The following SLC2A13 variants were observed in gnomAD, a reference collection of about 807,000 sequenced individuals.
The protein encoded by SLC2A13 is solute carrier family 2 member 13.
SLC2A13 carries 32 observed loss-of-function variants against 64.4 expected under a neutral mutation model. The ratio of observed to expected loss-of-function variants is 0.50; its 90% confidence interval spans 0.37 to 0.67. The LOEUF is 0.67. Among genes scored for constraint, SLC2A13 ranks in the 30% least tolerant of loss-of-function variants. SLC2A13 has a pLI of 0.00. For synonymous variants in SLC2A13, 338 were observed against 327.1 expected (o/e 1.03, Z -0.36); for missense variants, 743 against 829.2 (o/e 0.90, Z 1.28).
At chr12:39,879,223 A>G (rs1944277613) in intron 4 of SLC2A13, among the ~76,000 whole-genome samples, 1 of 152,260 alleles carries the variant, frequency 6.6e-6, no homozygotes, top group African/African-American at 2.4e-5. Flanking sequence ...GAGCCCTCAC[A>G]GAGAACCCCT....
At chr12:40,098,725 T>A (rs1030440195) in intron 1 of SLC2A13, among the ~76,000 whole-genome samples, 1 of 152,230 alleles carries the variant, frequency 6.6e-6, no homozygotes, top group African/African-American at 2.4e-5. Context: ...TGCCTAAATA[T>A]CCTTATCTTA....
intron 4 of SLC2A13, among the ~76,000 whole-genome samples, chr12:39,896,750 CTATTA>C (rs1425666467): frequency 6.6e-5 from 10 of 151,944 alleles, no homozygotes; most frequent in East Asian, 1.9e-4. Context: ...CTTGCAGTTT[CTATTA>C]TATTTTTCAC....
chr12:40,081,637 T>C (rs2136284501), intron 1 of SLC2A13, among the ~76,000 whole-genome samples: 1 of 152,342 alleles, frequency 6.6e-6, no homozygotes, highest in East Asian at 1.9e-4. Flanking sequence ...CTCCTAAATC[T>C]GGACGACCTT....
chr12:40,042,690 T>C (rs2136231695), intron 2 of SLC2A13, among the ~76,000 whole-genome samples: 1 of 152,270 alleles, frequency 6.6e-6, no homozygotes, highest in East Asian at 1.9e-4. Context: ...ATATTTACTA[T>C]GTTCTGCGCC....
chr12:39,849,386 C>A (rs1487866278), intron 6 of SLC2A13, among the ~76,000 whole-genome samples: 2 of 152,034 alleles, frequency 1.3e-5, no homozygotes, highest in Non-Finnish European at 2.9e-5. Context: ...TGCTTCATCC[C>A]ATTAATCTCA....
chr12:39,941,568 C>A (rs4768199), intron 4 of SLC2A13, among the ~76,000 whole-genome samples: 120,680 of 152,138 alleles, frequency 0.79, 48,044 homozygotes, highest in Non-Finnish European at 0.83. Context: ...TTCTATATAT[C>A]CTGTTGAGAA....
At chr12:39,842,353 T>C (rs1218812591) in intron 6 of SLC2A13, among the ~76,000 whole-genome samples, 1 of 148,690 alleles carries the variant, frequency 6.7e-6, no homozygotes, top group Non-Finnish European at 1.5e-5. Flanking sequence ...CTAAGAGACT[T>C]GCTCATGTCT....
At position 39,755,719 on chromosome 12, in the gene SLC2A13, AAT is replaced by A. The variant is rs1281626187; in HGVS notation, c.*4305_*4306del. The A allele has an allele frequency of 6.6e-6, 1 of 152,114 alleles. No homozygotes were observed. Among genetic ancestry groups the A allele is most frequent in the Non-Finnish European group, 1.5e-5 (1 of 67,888 alleles). 9.4% of individuals were successfully genotyped at this position (152,114 alleles called of 1,614,324 possible). A position where few individuals can be genotyped will look rare whatever the true frequency, so the allele number is the denominator to read the frequency against. On this transcript the variant is annotated 3_prime_UTR_variant, in exon 10 of 10. Transcript: ENST00000280871. ...CATGAACTTAACTGTCTAAAATAAA[AAT>A]GTGAATATTACTGCTAAATGAAGGC...
chr12:39,851,996 T>G (rs1167217982), intron 6 of SLC2A13, among the ~76,000 whole-genome samples: 1 of 152,180 alleles, frequency 6.6e-6, no homozygotes, highest in African/African-American at 2.4e-5. Context: ...CACAGAACAA[T>G]GCAATGTTGG....
At chr12:39,831,136 G>A (rs1307122501) in intron 6 of SLC2A13, among the ~76,000 whole-genome samples, 7 of 152,154 alleles carry the variant, frequency 4.6e-5, no homozygotes, top group Non-Finnish European at 1.0e-4. Context: ...AGATGAATAA[G>A]CCCAAATCTC....
chr12:39,815,416 G>T (rs79677405), intron 7 of SLC2A13, among the ~76,000 whole-genome samples: 3 of 152,090 alleles, frequency 2.0e-5, no homozygotes, highest in African/African-American at 7.2e-5. Context: ...AGAATAAATC[G>T]AACAGGTTCT....
chr12:39,963,832 T>C (rs572975891), intron 3 of SLC2A13, among the ~76,000 whole-genome samples: 63 of 152,314 alleles, frequency 4.1e-4, no homozygotes, highest in African/African-American at 1.5e-3. Context: ...AAATAAGTAC[T>C]AATGAGAATT....
intron 3 of SLC2A13, among the ~76,000 whole-genome samples, chr12:39,963,174 C>G (rs1946445430): frequency 6.6e-6 from 1 of 151,328 alleles, no homozygotes; most frequent in African/African-American, 2.4e-5. Context: ...GTAGTCCCAG[C>G]TACTTGGGAG....
Position 40,105,075 on chromosome 12 carries a change from C to G in SLC2A13, c.556+178G>C, listed in dbSNP as rs942253135. The stretch of plus-strand genomic sequence containing the variant: ...CCTCCCCCCCGACCCTCCCACCTCC[C>G]GGGAGAGCCTTGGAGGCTGGACCAA... On this transcript the variant is annotated intron_variant, in intron 1 of 9. Transcript: ENST00000280871. The surrounding 1 kb of genome is among the most constrained non-coding windows in gnomAD (Gnocchi z 4.2). Among the ~76,000 whole-genome samples, 1 of 152,102 alleles carries G rather than the reference C, an allele frequency of 6.6e-6. No individual in the cohort carries two copies. The highest frequency in any genetic ancestry group is 6.5e-5 in the Admixed American group (1 of 15,276).
At chr12:39,878,240 T>C (rs1271945540) in intron 4 of SLC2A13, among the ~76,000 whole-genome samples, 2 of 152,218 alleles carry the variant, frequency 1.3e-5, no homozygotes, top group African/African-American at 4.8e-5. Flanking sequence ...GGGTGAAGCA[T>C]TGCTATAAAA....
intron 7 of SLC2A13, among the ~76,000 whole-genome samples, chr12:39,783,464 T>G (rs1336015808): frequency 6.6e-6 from 1 of 152,222 alleles, no homozygotes; most frequent in Non-Finnish European, 1.5e-5. Flanking sequence ...CCACAATGGT[T>G]GAACTAGTTT....
chr12:39,801,247 T>TA (rs71075084), intron 7 of SLC2A13, among the ~76,000 whole-genome samples: 4 of 131,394 alleles, frequency 3.0e-5, no homozygotes, highest in East Asian at 2.2e-4. Flanking sequence ...AGAGTATAAT[T>TA]AAAAAAAAAA....
chr12:39,874,334 C>A (rs1944126526), intron 4 of SLC2A13, among the ~76,000 whole-genome samples: 1 of 152,016 alleles, frequency 6.6e-6, no homozygotes, highest in Non-Finnish European at 1.5e-5. Flanking sequence ...AAATGAGGGG[C>A]CGGGCACGGT....
At chr12:40,062,134 C>T (rs1565610204) in intron 1 of SLC2A13, among the ~76,000 whole-genome samples, 1 of 151,992 alleles carries the variant, frequency 6.6e-6, no homozygotes. Flanking sequence ...ACCCCTACTT[C>T]TTATTACATA....
Sources: gnomAD v4.1 joint callset for allele counts (sites outside exome capture counted in the v4.1 genomes callset) on GRCh38, gnomAD v4.1.1 for gene constraint, Gnocchi (gnomAD v3.1) non-coding constraint, MANE v1.5 for transcripts, NCBI Gene and HGNC (gene_info 2026-07-23, HGNC 2026-07-21) for gene names.